The following MALRD1 variants were observed in gnomAD, a reference collection of about 807,000 sequenced individuals.
MALRD1 encodes the protein MAM and LDL-receptor class A domain-containing protein 1.
In MALRD1, 247 loss-of-function variants were observed where a neutral mutation model predicts 242.1. The observed-to-expected ratio is 1.02, with a 90% CI of 0.92 to 1.13. MALRD1 has a LOEUF of 1.13. MALRD1 is among the 50% of genes most tolerant of loss of function. The pLI is 0.00. For synonymous variants in MALRD1, 995 were observed against 866.6 expected (o/e 1.15, Z -2.60); for missense variants, 2,989 against 2,533.1 (o/e 1.18, Z -3.86).
intron 28 of MALRD1, among the ~76,000 whole-genome samples, chr10:19,411,101 G>T (rs750332656): frequency 5.3e-5 from 8 of 152,110 alleles, no homozygotes; most frequent in Non-Finnish European, 1.0e-4. Context: ...CATTCTCTTA[G>T]GCAGCAGTAA....
intron 36 of MALRD1, among the ~76,000 whole-genome samples, chr10:19,636,185 A>C (rs933908915): frequency 6.6e-6 from 1 of 152,224 alleles, no homozygotes; most frequent in Non-Finnish European, 1.5e-5. Flanking sequence ...TCAGAAGACA[A>C]CAGAAAGAAA....
At chr10:19,250,857 T>C (rs1197648910) in intron 18 of MALRD1, among the ~76,000 whole-genome samples, 1 of 151,916 alleles carries the variant, frequency 6.6e-6, no homozygotes, top group Admixed American at 6.6e-5. Context: ...TCTCTTTCAC[T>C]CAACAAGATT....
At chr10:19,426,365 G>C (rs1201487807) in intron 28 of MALRD1, among the ~76,000 whole-genome samples, 4 of 152,182 alleles carry the variant, frequency 2.6e-5, no homozygotes, top group Admixed American at 6.5e-5. Context: ...CAGTTCATTT[G>C]TCACTTACCA....
intron 32 of MALRD1, among the ~76,000 whole-genome samples, chr10:19,539,897 T>TGCGCGCGCGC (rs1323112743): frequency 2.0e-4 from 9 of 44,416 alleles, no homozygotes; most frequent in South Asian, 7.7e-4. Flanking sequence ...TGTGTGTGTG[T>TGCGCGCGCGC]GCGCGCGCGC....
At chr10:19,157,594 C>A (rs920864297) in intron 12 of MALRD1, among the ~76,000 whole-genome samples, 1 of 152,054 alleles carries the variant, frequency 6.6e-6, no homozygotes, top group African/African-American at 2.4e-5. Context: ...AGAACGAATT[C>A]TTACCTTCTT....
At chr10:19,390,714 C>T (rs757952671) in intron 28 of MALRD1, among the ~76,000 whole-genome samples, 4 of 151,818 alleles carry the variant, frequency 2.6e-5, no homozygotes, top group Non-Finnish European at 5.9e-5. Flanking sequence ...TGCCCTGGCA[C>T]TGATAGAAAA....
intron 14 of MALRD1, among the ~76,000 whole-genome samples, chr10:19,190,392 A>T (rs2131583355): frequency 6.6e-6 from 1 of 152,278 alleles, no homozygotes; most frequent in Non-Finnish European, 1.5e-5. Flanking sequence ...TGATCTACAG[A>T]TTCGATATAA....
At chr10:19,347,604 G>T (rs551592583) in intron 24 of MALRD1, among the ~76,000 whole-genome samples, 167 bp from the exon 25 acceptor site, 11 of 152,162 alleles carry the variant, frequency 7.2e-5, no homozygotes, top group African/African-American at 2.2e-4. Flanking sequence ...GGAAATAGCT[G>T]TGTGTATCGC....
At chr10:19,369,753 A>C (rs1488722080) in intron 26 of MALRD1, among the ~76,000 whole-genome samples, 1 of 151,612 alleles carries the variant, frequency 6.6e-6, no homozygotes, top group Non-Finnish European at 1.5e-5. Flanking sequence ...GTATCTGTTA[A>C]AGTATCTATT....
chr10:19,558,887 T>C (rs1486455890), intron 32 of MALRD1, among the ~76,000 whole-genome samples: 1 of 152,106 alleles, frequency 6.6e-6, no homozygotes, highest in Non-Finnish European at 1.5e-5. Flanking sequence ...GTATATATTG[T>C]TAATAATATT....
intron 2 of MALRD1, among the ~76,000 whole-genome samples, chr10:19,079,824 C>A (rs1835428099): frequency 6.6e-6 from 1 of 151,958 alleles, no homozygotes; most frequent in African/African-American, 2.4e-5. Context: ...GAGAGGAAGT[C>A]AAATTATCTT....
At chr10:19,236,876 T>A (rs1244268386) in intron 18 of MALRD1, among the ~76,000 whole-genome samples, 1 of 152,080 alleles carries the variant, frequency 6.6e-6, no homozygotes, top group Non-Finnish European at 1.5e-5. Flanking sequence ...ATTGAGAGGA[T>A]CTACAAATAT....
chr10:19,208,103 A>T (rs1836867898), intron 17 of MALRD1, among the ~76,000 whole-genome samples: 1 of 149,950 alleles, frequency 6.7e-6, no homozygotes, highest in Admixed American at 6.6e-5. Flanking sequence ...TTTTTTTACC[A>T]CAGTTGGTTG....
At chr10:19,607,968 AAT>A in intron 35 of MALRD1, 66 bp downstream of exon 35, 1 of 1,517,754 alleles carries the variant, frequency 6.6e-7, no homozygotes, top group African/African-American at 1.4e-5. Context: ...ACACAATGAA[AAT>A]ATTAAAACTT....
At chr10:19,451,134 A>G (rs545454148) in intron 29 of MALRD1, among the ~76,000 whole-genome samples, 1 of 152,314 alleles carries the variant, frequency 6.6e-6, no homozygotes, top group South Asian at 2.1e-4. Flanking sequence ...TCCCTTCTGA[A>G]TTTGTTTTTC....
chr10:19,308,281 G>T (rs1842302350), intron 21 of MALRD1, among the ~76,000 whole-genome samples: 1 of 151,420 alleles, frequency 6.6e-6, no homozygotes, highest in Non-Finnish European at 1.5e-5. Flanking sequence ...TCAGAACAGG[G>T]TAATTAGGGT....
chr10:19,136,607 A>G lies in MALRD1; in HGVS notation c.1237A>G (p.Ser413Gly). The G allele has an allele frequency of 8.1e-7, 1 of 1,231,644 alleles. No individual in the cohort carries two copies. 76.3% of individuals were successfully genotyped at this position (1,231,644 alleles called of 1,614,324 possible). The change falls in exon 10 of 40, where the codon AGT becomes GGT. Residue 413 changes from serine (S) to glycine (G), a missense_variant. Transcript: ENST00000454679. Reference protein sequence around the residue: ...IFEGTLLSQRSFIALDHLWVY... With the variant: ...IFEGTLLSQRGFIALDHLWVY... ...TGAAGGGACTCTTTTGAGCCAGAGA[A>G]GTTTTATTGCCCTTGATCACCTCTG...
At chr10:19,529,625 T>C (rs1046869421) in intron 31 of MALRD1, among the ~76,000 whole-genome samples, 2 of 150,220 alleles carry the variant, frequency 1.3e-5, no homozygotes, top group Non-Finnish European at 2.9e-5. Context: ...ATGTTATAAA[T>C]ATTAGTCCAA....
intron 32 of MALRD1, among the ~76,000 whole-genome samples, chr10:19,543,454 G>A (rs1835075308): frequency 2.7e-5 from 1 of 36,490 alleles, no homozygotes; most frequent in South Asian, 6.0e-4. Context: ...TTTTTTTTGA[G>A]AGAGAAATGG....
Sources: gnomAD v4.1 joint callset for allele counts (sites outside exome capture counted in the v4.1 genomes callset) on GRCh38, gnomAD v4.1.1 for gene constraint, MANE v1.5 for transcripts, NCBI Gene and HGNC (gene_info 2026-07-23, HGNC 2026-07-21) for gene names.